Variants in KIAA1549L observed in about 807,000 individuals in gnomAD.
KIAA1549L encodes the protein KIAA1549 like, also known as UPF0606 protein KIAA1549L.
KIAA1549L carries 88 observed loss-of-function variants against 160.7 expected under a neutral mutation model. The observed-to-expected ratio is 0.55, with a 90% CI of 0.46 to 0.65. The LOEUF (loss-of-function observed/expected upper bound fraction) is 0.65. Ranked by LOEUF, KIAA1549L falls within the 30% of genes least tolerant of loss-of-function variation. The pLI is 0.00. For missense variants in KIAA1549L, 2,258 were observed against 2,437.5 expected (o/e 0.93, Z 1.55); for synonymous variants, 950 against 976.7 (o/e 0.97, Z 0.51).
At position 33,542,549 on chromosome 11, in the gene KIAA1549L, C is replaced by A; in HGVS notation, c.986C>A (p.Ser329Tyr). 6.2e-7 allele frequency: 1 copy of A among 1,613,968 alleles called. No homozygotes were observed. ...GSSTKWHSELSPTEGPHSAGS... is the reference protein window; with the variant it reads ...GSSTKWHSELYPTEGPHSAGS... ...TCAACAAAATGGCATTCCGAGCTGT[C>A]CCCAACAGAGGGTCCCCATTCAGCA... Residue 329 changes from serine to tyrosine, a missense_variant, in exon 2 of 21, where the codon TCC becomes TAC. Physicochemically the swap from Ser to Tyr is moderately radical, Grantham distance 144. This residue lies in a region of KIAA1549L where 540 missense variants were observed against 465.7 expected (regional missense o/e 1.16). Coordinates refer to ENST00000658780, the MANE Select transcript of KIAA1549L (RefSeq NM_012194.3).
At chr11:33,580,910 G>T (rs1284190160) in intron 10 of KIAA1549L, among the ~76,000 whole-genome samples, 2 of 152,156 alleles carry the variant, frequency 1.3e-5, no homozygotes, top group African/African-American at 2.4e-5. Context: ...TTAAATTGTT[G>T]GGGGGTCAAG....
chr11:33,447,964 G>A (rs980985335), intron 1 of KIAA1549L, among the ~76,000 whole-genome samples: 1 of 152,210 alleles, frequency 6.6e-6, no homozygotes, highest in Non-Finnish European at 1.5e-5. Flanking sequence ...TGGAGACAGA[G>A]AAGAGCATGG....
At chr11:33,413,325 G>A (rs934143278) in intron 1 of KIAA1549L, among the ~76,000 whole-genome samples, 1 of 150,424 alleles carries the variant, frequency 6.6e-6, no homozygotes, top group Non-Finnish European at 1.5e-5. Context: ...TACAATCCCA[G>A]CTACTTAGGA....
Position 33,545,389 on chromosome 11 carries a change from A to G in KIAA1549L, c.3385+11A>G. Reference sequence around the variant, plus strand: ...TCCTGGTGAAGACAGGTATGAGACCACTGTTCTGATCTGAAAGCAGCAAGC... The same window carrying G: ...TCCTGGTGAAGACAGGTATGAGACCGCTGTTCTGATCTGAAAGCAGCAAGC... On this transcript the variant is annotated intron_variant, in intron 3 of 20. Coordinates refer to ENST00000658780, the MANE Select transcript of KIAA1549L (RefSeq NM_012194.3). 6.3e-7 allele frequency: 1 copy of G among 1,597,130 alleles called. No homozygotes were observed. The highest frequency in any genetic ancestry group is 8.5e-7 in the Non-Finnish European group (1 of 1,175,114).
intron 1 of KIAA1549L, among the ~76,000 whole-genome samples, chr11:33,478,259 T>TA (rs1301704765): frequency 4.2e-5 from 1 of 23,862 alleles, no homozygotes; most frequent in Non-Finnish European, 7.4e-5. Context: ...GAAGCCATGC[T>TA]AACAGAACTC....
chr11:33,545,898 A>G (rs1307109681), intron 3 of KIAA1549L, among the ~76,000 whole-genome samples: 3 of 152,228 alleles, frequency 2.0e-5, no homozygotes, highest in African/African-American at 7.2e-5. Flanking sequence ...GGCTTTTGTC[A>G]TGCATTTTTT....
intron 16 of KIAA1549L, among the ~76,000 whole-genome samples, chr11:33,629,487 CT>C (rs1425120905): frequency 2.0e-5 from 3 of 151,914 alleles, no homozygotes; most frequent in Non-Finnish European, 1.5e-5. Context: ...TTGCTCGTTT[CT>C]TTTTATTCTT....
intron 1 of KIAA1549L, among the ~76,000 whole-genome samples, chr11:33,507,552 G>A (rs548178491): frequency 5.9e-5 from 9 of 152,132 alleles, no homozygotes; most frequent in Admixed American, 2.0e-4. Flanking sequence ...AGTCATTTTA[G>A]CATAGACAGT....
chr11:33,393,607 G>C (rs150673061), intron 1 of KIAA1549L, among the ~76,000 whole-genome samples: 1,579 of 152,318 alleles, frequency 0.01, 30 homozygotes, highest in African/African-American at 0.037. Flanking sequence ...GAGAAAGAGG[G>C]AGGAAGATAC....
rs1051016390 is a variant in KIAA1549L, at chr11:33,667,945, C to T, written c.6232C>T (p.Arg2078Cys). 4 of 1,613,874 alleles carry T rather than the reference C, an allele frequency of 2.5e-6. No homozygotes were observed. Among genetic ancestry groups the T allele is most frequent in the African/African-American group, 2.7e-5 (2 of 75,056 alleles). The change falls in exon 21 of 21, where the codon CGT becomes TGT. Residue 2078 changes from arginine (R) to cysteine (C), a missense_variant. This residue lies in a region of KIAA1549L where 1,359 missense variants were observed against 1,546.6 expected (regional missense o/e 0.88). Transcript: ENST00000658780. ...CCAGAGCTCTCCCTCCAGGCTTCCT[C>T]GTCAGTACAGCCAGCCAGCCAACCT... ...YPQSSPSRLP[R>C]QYSQPANLHP... is the part of the protein sequence containing the mutation.
At chr11:33,450,180 A>G (rs1163834887) in intron 1 of KIAA1549L, among the ~76,000 whole-genome samples, 1 of 152,206 alleles carries the variant, frequency 6.6e-6, no homozygotes, top group African/African-American at 2.4e-5. Flanking sequence ...AAGGGCAAAT[A>G]TAAGAAAATC....
At chr11:33,604,095 G>T (rs1032851525) in intron 13 of KIAA1549L, among the ~76,000 whole-genome samples, 2 of 152,192 alleles carry the variant, frequency 1.3e-5, no homozygotes, top group African/African-American at 4.8e-5. Context: ...TTGTTTAGAA[G>T]GTCTGTAAGT....
chr11:33,550,990 A>C (rs1854440361), intron 4 of KIAA1549L, 50 bp from the exon 5 acceptor site: 1 of 1,472,600 alleles, frequency 6.8e-7, no homozygotes, highest in African/African-American at 1.4e-5. Flanking sequence ...GAAGAACTTA[A>C]AGTGCTGTGG....
chr11:33,442,954 C>T (rs1851539161), intron 1 of KIAA1549L, among the ~76,000 whole-genome samples: 1 of 152,038 alleles, frequency 6.6e-6, no homozygotes, highest in Admixed American at 6.6e-5. Flanking sequence ...ATATATGCTA[C>T]TTATCTGTTT....
At chr11:33,430,047 C>CTTCCTTCCTTCCTTCCTCCG in intron 1 of KIAA1549L, among the ~76,000 whole-genome samples, 1 of 150,850 alleles carries the variant, frequency 6.6e-6, no homozygotes, top group African/African-American at 2.4e-5. Context: ...TCCTTCCTTC[C>CTTCCTTCCTTCCTTCCTCCG]TCCCTTCCCT....
At position 33,668,158 on chromosome 11, in the gene KIAA1549L, C is replaced by T; in HGVS notation, c.*4C>T. The T allele has an allele frequency of 6.2e-7, 1 of 1,610,990 alleles. No homozygotes were observed. Among genetic ancestry groups the T allele is most frequent in the Non-Finnish European group, 8.5e-7 (1 of 1,178,424 alleles). The stretch of plus-strand genomic sequence containing the variant: ...CATGTTTGAGTTCCAGGTCTAACGC[C>T]TTAGCCCCGTGGGACTCTGGACTTC... On this transcript the variant is annotated 3_prime_UTR_variant, in exon 21 of 21. Transcript: ENST00000658780.
chr11:33,645,589 C>A, intron 16 of KIAA1549L, 97 bp from the exon 17 acceptor site: 1 of 895,578 alleles, frequency 1.1e-6, no homozygotes, highest in Non-Finnish European at 1.8e-6. Context: ...ACAGATGCAT[C>A]CTAGCACCTG....
intron 1 of KIAA1549L, among the ~76,000 whole-genome samples, chr11:33,468,066 C>T (rs114346784): frequency 0.011 from 1,730 of 152,308 alleles, 28 homozygotes; most frequent in South Asian, 0.037. Flanking sequence ...ATTTCTCCAT[C>T]ATTATAAATA....
rs569524922 is a variant in KIAA1549L, at chr11:33,657,511, C to T, written c.5859-1239C>T. Reference sequence around the variant, plus strand: ...TGAGGAAACAGGCTTGGAAAGGGAACGTAGGCTGGGCATGGTGGCTCATGC... The same window carrying T: ...TGAGGAAACAGGCTTGGAAAGGGAATGTAGGCTGGGCATGGTGGCTCATGC... On this transcript the variant is annotated intron_variant, in intron 18 of 20. Transcript: ENST00000658780. Among the ~76,000 whole-genome samples the T allele has an allele frequency of 3.8e-3, 580 of 152,052 alleles. 1 individual carries two copies. The highest frequency in any genetic ancestry group is 6.5e-3 in the Non-Finnish European group (440 of 67,976).
Sources: gnomAD v4.1 joint callset for allele counts (sites outside exome capture counted in the v4.1 genomes callset) on GRCh38, gnomAD v4.1.1 for gene constraint, gnomAD v4.1.1 regional missense constraint, MANE v1.5 for transcripts, NCBI Gene and HGNC (gene_info 2026-07-23, HGNC 2026-07-21) for gene names.